The following KRT40 variants were observed in gnomAD, a reference collection of about 807,000 sequenced individuals.
The protein encoded by KRT40 is keratin 40.
Under a neutral mutation model 43.5 loss-of-function variants are expected in KRT40, and 47 were observed. That is an observed-to-expected ratio of 1.08 (90% CI 0.86 to 1.38). KRT40 has a LOEUF of 1.38. Among genes scored for constraint, KRT40 ranks in the 40% most tolerant of loss-of-function variants. The pLI is 0.00. For synonymous variants in KRT40, 212 were observed against 214.0 expected (o/e 0.99, Z 0.08); for missense variants, 573 against 523.6 (o/e 1.09, Z -0.92).
At position 40,981,080 on chromosome 17, in the gene KRT40, G is replaced by A; in HGVS notation, c.759C>T (p.Asp253=). ...SVELDTAPTL[D]LNRVLDEMRC... is the part of the protein sequence containing the mutation. The stretch of plus-strand genomic sequence containing the variant: ...GCATCTCATCCAGGACCCTGTTGAG[G>A]TCAAGGGTGGGGGCAGTGTCCAGCT... Residue 253 remains aspartate (D), a synonymous_variant, in exon 4 of 7, where the codon GAC becomes GAT. Coordinates refer to ENST00000377755, the MANE Select transcript of KRT40 (RefSeq NM_001389244.1). 6.2e-7 allele frequency: 1 copy of A among 1,614,228 alleles called. No individual in the cohort carries two copies. Among genetic ancestry groups the A allele is most frequent in the Non-Finnish European group, 8.5e-7 (1 of 1,180,040 alleles).
At chr17:40,985,200 A>G (rs1162628304), upstream of KRT40, among the ~76,000 whole-genome samples, 1 of 152,118 alleles carries the variant, frequency 6.6e-6, no homozygotes, top group Non-Finnish European at 1.5e-5. Context: ...GTTTTCTCCT[A>G]TTTATTTATT....
chr17:40,984,724 C>T (rs899078377), upstream of KRT40, among the ~76,000 whole-genome samples: 2 of 152,140 alleles, frequency 1.3e-5, no homozygotes, highest in African/African-American at 4.8e-5. Flanking sequence ...AGTATTACAG[C>T]TCACAAAATG....
In KRT40 at chr17:40,978,962, T is replaced by A; in HGVS notation, c.1038A>T (p.Gln346His). Reference protein sequence around the residue: ...TEAQYSSQLAQIQCLIDNLEN... With the variant: ...TEAQYSSQLAHIQCLIDNLEN... Reference sequence around the variant, plus strand: ...CCAGGTTATCGATCAGACACTGAATTTGGGCCAGCTGGGAGCTGTACTGGG... The same window carrying A: ...CCAGGTTATCGATCAGACACTGAATATGGGCCAGCTGGGAGCTGTACTGGG... Residue 346 changes from glutamine to histidine, a missense_variant, in exon 6 of 7, where the codon CAA (glutamine) becomes CAT (histidine). Gln to His is a conservative substitution (Grantham distance 24, BLOSUM62 0). Coordinates refer to ENST00000377755, the MANE Select transcript of KRT40 (RefSeq NM_001389244.1). 1 of 1,613,618 alleles carries A rather than the reference T, an allele frequency of 6.2e-7. No individual in the cohort carries two copies. The highest frequency in any genetic ancestry group is 8.5e-7 in the Non-Finnish European group (1 of 1,179,880).
At chr17:40,983,190 C>A in intron 1 of KRT40, 62 bp from the exon 2 acceptor site, 1 of 715,086 alleles carries the variant, frequency 1.4e-6, no homozygotes, top group South Asian at 1.8e-5. Flanking sequence ...AAACTTCTAT[C>A]CAACAGCTAT....
chr17:40,978,541 C>G (rs943226933), intron 6 of KRT40, among the ~76,000 whole-genome samples: 1 of 152,140 alleles, frequency 6.6e-6, no homozygotes, highest in Admixed American at 6.5e-5. Context: ...TAGGCCTATT[C>G]CTGATTTTCC....
At chr17:40,987,106 A>G (rs1264256733), upstream of KRT40, 1 of 152,268 alleles carries the variant, frequency 6.6e-6, no homozygotes, top group Non-Finnish European at 1.5e-5. Context: ...GGCTCCTCCC[A>G]GAGCACTTTG....
intron 3 of KRT40, among the ~76,000 whole-genome samples, chr17:40,982,035 T>A (rs1276298982): frequency 6.6e-6 from 1 of 151,902 alleles, no homozygotes; most frequent in Non-Finnish European, 1.5e-5. Flanking sequence ...CCTGCCACCA[T>A]GCCCAGCTAA....
At chr17:40,979,613 T>A (rs1912021925) in intron 5 of KRT40, among the ~76,000 whole-genome samples, 1 of 152,016 alleles carries the variant, frequency 6.6e-6, no homozygotes, top group South Asian at 2.1e-4. Context: ...CAGCAATACA[T>A]GACATATTTG....
upstream of KRT40, among the ~76,000 whole-genome samples, chr17:40,985,833 C>T (rs1912445679): frequency 6.6e-6 from 1 of 152,286 alleles, no homozygotes; most frequent in African/African-American, 2.4e-5. Context: ...ATTATCTTTT[C>T]ACAGTAACCT....
chr17:40,984,489 A>C (rs1225358166), upstream of KRT40, among the ~76,000 whole-genome samples: 1 of 152,192 alleles, frequency 6.6e-6, no homozygotes, highest in Non-Finnish European at 1.5e-5. Context: ...AAATAGGGAT[A>C]ACTTTAGGTT....
upstream of KRT40, chr17:40,984,441 A>C (rs773531725): frequency 1.3e-5 from 8 of 601,820 alleles, no homozygotes; most frequent in Non-Finnish European, 2.3e-5. Flanking sequence ...ATCTCATTAG[A>C]GTTGTTTATT....
intron 2 of KRT40, among the ~76,000 whole-genome samples, 190 bp from the exon 3 acceptor site, chr17:40,982,653 G>A (rs1912237030): frequency 7.5e-6 from 1 of 133,702 alleles, no homozygotes; most frequent in African/African-American, 3.4e-5. Flanking sequence ...ATATTTGTGT[G>A]TGTGTGTGTG....
At chr17:40,978,400 A>G (rs1291315660) in intron 6 of KRT40, 104 bp from the exon 7 acceptor site, 6 of 909,338 alleles carry the variant, frequency 6.6e-6, no homozygotes, top group Non-Finnish European at 9.0e-6. Context: ...ATGTTCTGAA[A>G]AAAACTCTGC....
intron 5 of KRT40, among the ~76,000 whole-genome samples, chr17:40,980,396 T>C (rs1912075141): frequency 6.6e-6 from 1 of 152,182 alleles, no homozygotes; most frequent in Admixed American, 6.5e-5. Context: ...GGTTGAAGTG[T>C]AGATCCTGGG....
chr17:40,980,008 T>TA (rs1376608100), intron 5 of KRT40, among the ~76,000 whole-genome samples: 2 of 151,928 alleles, frequency 1.3e-5, no homozygotes, highest in Non-Finnish European at 2.9e-5. Flanking sequence ...CACATCTACG[T>TA]AAAAAAAATT....
At position 40,983,956 on chromosome 17, in the gene KRT40, C is replaced by T; in HGVS notation, c.318G>A (p.Lys106=). ...LNDRLASYLE[K]VRSLEETNAE... ...CGTTGGTCTCCTCCAGGCTGCGCACCTTCTCCAGATAGCTGGCGAGTCTGT... is the reference window on the plus strand; with the variant it reads ...CGTTGGTCTCCTCCAGGCTGCGCACTTTCTCCAGATAGCTGGCGAGTCTGT... The change falls in exon 1 of 7, where the codon AAG becomes AAA. Residue 106 remains lysine (K), a synonymous_variant. Coordinates refer to ENST00000377755, the MANE Select transcript of KRT40 (RefSeq NM_001389244.1). 1 of 1,614,064 alleles carries T rather than the reference C, an allele frequency of 6.2e-7. No individual in the cohort carries two copies. Among genetic ancestry groups the T allele is most frequent in the Non-Finnish European group, 8.5e-7 (1 of 1,180,004 alleles).
chr17:40,979,287 G>C (rs900750843), intron 5 of KRT40, among the ~76,000 whole-genome samples: 2 of 152,106 alleles, frequency 1.3e-5, no homozygotes, highest in Non-Finnish European at 2.9e-5. Flanking sequence ...AGGCCGAGGC[G>C]GGCGGATCAC....
intron 6 of KRT40, 37 bp from the exon 7 acceptor site, chr17:40,978,333 G>A (rs2271280): frequency 0.28 from 431,935 of 1,519,522 alleles, 68,755 homozygotes; most frequent in African/African-American, 0.67. Flanking sequence ...GATTAACAAG[G>A]GAATGTTGAT....
In KRT40 at chr17:40,978,099, CT is replaced by C. The variant is rs1168341300; in HGVS notation, c.*97del. The stretch of plus-strand genomic sequence containing the variant: ...GGCAATTCCAGGATATGAGAGCCTC[CT>C]GGATTTGTGCTTCCGGTTTGGATGT... On this transcript the variant is annotated 3_prime_UTR_variant, in exon 7 of 7. Coordinates refer to ENST00000377755, the MANE Select transcript of KRT40 (RefSeq NM_001389244.1). 3.4e-6 allele frequency: 3 copies of C among 870,646 alleles called. No individual in the cohort carries two copies. Among genetic ancestry groups the C allele is most frequent in the Admixed American group, 3.7e-5 (2 of 53,824 alleles). The allele number at this position is 870,646 out of a possible 1,614,324, so 53.9% of individuals were successfully genotyped here.
Sources: gnomAD v4.1 joint callset for allele counts (sites outside exome capture counted in the v4.1 genomes callset) on GRCh38, gnomAD v4.1.1 for gene constraint, MANE v1.5 for transcripts, NCBI Gene and HGNC (gene_info 2026-07-23, HGNC 2026-07-21) for gene names.